The following KDM4C variants were observed in gnomAD, a reference collection of about 807,000 sequenced individuals.
KDM4C encodes the protein lysine-specific demethylase 4C.
In KDM4C, 81 loss-of-function variants were observed where a neutral mutation model predicts 129.3. That is an observed-to-expected ratio of 0.63 (90% CI 0.52 to 0.75). The LOEUF (loss-of-function observed/expected upper bound fraction) is 0.75. Ranked by LOEUF, KDM4C falls within the 30% of genes least tolerant of loss-of-function variation. The pLI is 0.00. For synonymous variants in KDM4C, 573 were observed against 456.1 expected (o/e 1.26, Z -3.26); for missense variants, 1,457 against 1,304.0 (o/e 1.12, Z -1.81).
intron 19 of KDM4C, among the ~76,000 whole-genome samples, chr9:7,128,892 G>A (rs978694388): frequency 1.3e-5 from 2 of 152,150 alleles, no homozygotes; most frequent in African/African-American, 2.4e-5. Flanking sequence ...ACTAGTGAAC[G>A]TGTGCCAGGG....
intron 8 of KDM4C, among the ~76,000 whole-genome samples, chr9:6,944,775 G>T (rs1342540368): frequency 6.7e-6 from 1 of 149,902 alleles, no homozygotes. Flanking sequence ...TTAGGGGAAG[G>T]GTTCAAAGAA....
chr9:6,957,380 T>A (rs1307345017), intron 8 of KDM4C, among the ~76,000 whole-genome samples: 1 of 152,228 alleles, frequency 6.6e-6, no homozygotes, highest in Non-Finnish European at 1.5e-5. Context: ...TCCTGCCTTT[T>A]ATGAGGGTTT....
In KDM4C at chr9:7,066,325, A is replaced by G. The variant is rs544556483; in HGVS notation, c.2424+17125A>G. On this transcript the variant is annotated intron_variant, in intron 17 of 21. Coordinates refer to ENST00000381309, the MANE Select transcript of KDM4C (RefSeq NM_015061.6). The stretch of plus-strand genomic sequence containing the variant: ...CCTCTCCACCCCGCAAAGGATTTAG[A>G]TGAAGATTTTACAGAACTTTCAAGG... Among the ~76,000 whole-genome samples, 3 of 152,320 alleles carry G rather than the reference A, an allele frequency of 2.0e-5. No homozygotes were observed. The South Asian group carries it at 6.2e-4, about 32-fold the overall frequency.
rs552494511 is a variant in KDM4C, at chr9:7,130,942, A to G, written c.2781+2706A>G. Among the ~76,000 whole-genome samples, 204 of 145,246 alleles carry G rather than the reference A, an allele frequency of 1.4e-3. 1 individual carries two copies. Among genetic ancestry groups the G allele is most frequent in the Non-Finnish European group, 2.4e-3 (162 of 66,306 alleles). On this transcript the variant is annotated intron_variant, in intron 19 of 21. Coordinates refer to ENST00000381309, the MANE Select transcript of KDM4C (RefSeq NM_015061.6). The stretch of plus-strand genomic sequence containing the variant: ...CCTGGCTAATTTTTTTTTTTTTTTA[A>G]TTTTTTTGTAGAGATGGTGTCGAAC...
chr9:6,762,822 C>T (rs866020302), intron 1 of KDM4C, among the ~76,000 whole-genome samples: 203 of 151,882 alleles, frequency 1.3e-3, no homozygotes, highest in African/African-American at 4.8e-3. Context: ...TCACGCCCAG[C>T]TAATTTTTGT....
chr9:7,034,454 G>A (rs749296267), intron 15 of KDM4C, among the ~76,000 whole-genome samples: 3 of 152,202 alleles, frequency 2.0e-5, no homozygotes, highest in Non-Finnish European at 2.9e-5. Context: ...AGAATGTGCA[G>A]TGTTTAATTT....
intron 19 of KDM4C, among the ~76,000 whole-genome samples, chr9:7,151,980 C>G (rs1411456714): frequency 2.6e-5 from 4 of 152,202 alleles, no homozygotes; most frequent in Non-Finnish European, 5.9e-5. Flanking sequence ...GCGAGATAAC[C>G]TCCTAGAACA....
At chr9:7,142,191 C>G (rs1841814645) in intron 19 of KDM4C, among the ~76,000 whole-genome samples, 2 of 152,204 alleles carry the variant, frequency 1.3e-5, no homozygotes, top group African/African-American at 4.8e-5. Flanking sequence ...ATCCTTAGCT[C>G]TCTTCAGTAC....
intron 5 of KDM4C, among the ~76,000 whole-genome samples, chr9:6,863,641 A>G (rs193037326): frequency 2.5e-4 from 38 of 152,038 alleles, no homozygotes; most frequent in East Asian, 5.8e-4. Context: ...CTAAAAATAC[A>G]AAAAATTAGC....
chr9:7,028,980 T>C (rs983461408), intron 15 of KDM4C, among the ~76,000 whole-genome samples: 6 of 152,186 alleles, frequency 3.9e-5, no homozygotes, highest in Non-Finnish European at 7.4e-5. Context: ...CTTTCAGTGA[T>C]AGGAAGTTAA....
intron 12 of KDM4C, among the ~76,000 whole-genome samples, chr9:7,000,381 A>G (rs1201319197): frequency 6.6e-6 from 1 of 152,238 alleles, no homozygotes; most frequent in Non-Finnish European, 1.5e-5. Context: ...TTTCTAAACA[A>G]TGATTAGCAT....
chr9:6,967,769 G>A (rs1386036291), intron 8 of KDM4C, among the ~76,000 whole-genome samples: 4 of 152,116 alleles, frequency 2.6e-5, no homozygotes, highest in African/African-American at 4.8e-5. Flanking sequence ...GAAGATCCGG[G>A]ATGATACACA....
intron 5 of KDM4C, among the ~76,000 whole-genome samples, chr9:6,876,506 G>A (rs564780854): frequency 1.3e-5 from 2 of 152,266 alleles, no homozygotes; most frequent in Admixed American, 1.3e-4. Context: ...CCCCTCTACC[G>A]AGGAAGCTGG....
At chr9:6,991,000 C>T (rs1012961777) in intron 12 of KDM4C, among the ~76,000 whole-genome samples, 17 of 152,122 alleles carry the variant, frequency 1.1e-4, no homozygotes, top group African/African-American at 3.9e-4. Flanking sequence ...TTCACTAGAT[C>T]GCTGTGATGC....
intron 8 of KDM4C, among the ~76,000 whole-genome samples, chr9:6,968,328 A>T (rs1385176142): frequency 2.6e-5 from 4 of 152,178 alleles, no homozygotes; most frequent in African/African-American, 7.2e-5. Context: ...GTTATTTTTA[A>T]TAAATGAAGA....
At chr9:7,151,153 G>C (rs1440948661) in intron 19 of KDM4C, among the ~76,000 whole-genome samples, 1 of 152,028 alleles carries the variant, frequency 6.6e-6, no homozygotes, top group African/African-American at 2.4e-5. Flanking sequence ...TCTATAAAAA[G>C]CAACAACCAC....
chr9:7,076,542 G>A (rs1175791921), intron 17 of KDM4C: 1 of 1,533,578 alleles, frequency 6.5e-7, no homozygotes, highest in East Asian at 2.5e-5. Flanking sequence ...CTCCGCCACT[G>A]TTTCAGATGC....
intron 1 of KDM4C, among the ~76,000 whole-genome samples, chr9:6,729,204 C>CAAAAA (rs1186478804): frequency 0.017 from 539 of 31,924 alleles, 11 homozygotes; most frequent in African/African-American, 0.019. Flanking sequence ...GCTCCGTCTC[C>CAAAAA]AAAAAAAAAA....
Position 6,897,464 on chromosome 9 carries a change from A to T in KDM4C, c.921+4232A>T, listed in dbSNP as rs939957234. 2.6e-5 allele frequency among the ~76,000 whole-genome samples: 4 copies of T among 152,200 alleles called. No homozygotes were observed. In the South Asian group the frequency reaches 6.2e-4, roughly 24 times the overall value. On this transcript the variant is annotated intron_variant, in intron 8 of 21. Transcript: ENST00000381309. ...GCCAAATCCTGTAAGATGCTCCAGA[A>T]CAAAAGGGCCTTGCATTTAGCAGGA...
Sources: allele counts gnomAD v4.1 joint callset (sites outside exome capture counted in the v4.1 genomes callset), GRCh38; gene constraint gnomAD v4.1.1; transcripts MANE v1.5; gene names NCBI Gene and HGNC (gene_info 2026-07-23, HGNC 2026-07-21).